ZDHHC4: variants seen among roughly 807,000 people sequenced by gnomAD.
The protein encoded by ZDHHC4 is zDHHC palmitoyltransferase 4.
ZDHHC4 carries 42 observed loss-of-function variants against 36.7 expected under a neutral mutation model. The observed-to-expected ratio is 1.14, with a 90% CI of 0.89 to 1.48. The LOEUF is 1.48. ZDHHC4 is among the 40% of genes most tolerant of loss of function. The pLI, the probability that ZDHHC4 is intolerant of heterozygous loss-of-function variation, is 0.00. For synonymous variants in ZDHHC4, 189 were observed against 166.6 expected, an observed-to-expected ratio of 1.13 and a Z score of -1.03; for missense variants, 457 against 421.5, an observed-to-expected ratio of 1.08 and a Z score of -0.74.
rs112037739 is a variant in ZDHHC4, at chr7:6,582,666, C to T, written c.370+415C>T. Reference sequence around the variant, plus strand: ...CCGAGTAGCTAGGACTACAGGCGTGCGCCACCACACCCAGCTGATTTTTGT... The same window carrying T: ...CCGAGTAGCTAGGACTACAGGCGTGTGCCACCACACCCAGCTGATTTTTGT... On this transcript the variant is annotated intron_variant, in intron 5 of 7. Transcript: ENST00000335965. 4.5e-3 allele frequency among the ~76,000 whole-genome samples: 690 copies of T among 151,982 alleles called. 4 individuals are homozygous for T. The highest frequency in any genetic ancestry group is 0.015 in the African/African-American group (628 of 41,470).
intron 7 of ZDHHC4, among the ~76,000 whole-genome samples, chr7:6,588,158 C>T (rs1171253967): frequency 6.6e-6 from 1 of 152,156 alleles, no homozygotes; most frequent in East Asian, 1.9e-4. Context: ...AGCCATTGCG[C>T]CCGGCCCCTG....
chr7:6,584,766 G>A lies in ZDHHC4; in HGVS notation c.497-250G>A, dbSNP rs1330126829. 6 of 511,690 alleles carry A rather than the reference G, an allele frequency of 1.2e-5. No individual in the cohort carries two copies. In the Admixed American group the frequency reaches 2.0e-4, roughly 17 times the overall value. The allele number at this position is 511,690 out of a possible 1,614,324, so 31.7% of individuals were successfully genotyped here. ...CTCCCGCCTAGCCTCTGAGTAGCTG[G>A]GACCATGGGTGCATGCCGCCACCAC... On this transcript the variant is annotated intron_variant, in intron 6 of 7. Transcript: ENST00000335965.
In ZDHHC4 at chr7:6,582,195, A is replaced by G; in HGVS notation, c.314A>G (p.Tyr105Cys). The G allele has an allele frequency of 1.2e-6, 2 of 1,614,032 alleles. No individual in the cohort carries two copies. The highest frequency in any genetic ancestry group is 1.3e-5 in the African/African-American group (1 of 75,018). Reference sequence around the variant, plus strand: ...TCCTTGCATTACCTTCTTCTGCCCTATCTGCTGCTAGGTGTAAACCTGTTT... The same window carrying G: ...TCCTTGCATTACCTTCTTCTGCCCTGTCTGCTGCTAGGTGTAAACCTGTTT... The part of the protein sequence containing the change: ...ELSLHYLLLP[Y>C]LLLGVNLFFF... The change falls in exon 5 of 8, where the codon TAT becomes TGT. Residue 105 changes from tyrosine to cysteine, a missense_variant. Tyr to Cys is a radical substitution (Grantham distance 194). Transcript: ENST00000335965.
chr7:6,583,175 C>G, intron 5 of ZDHHC4, 131 bp from the exon 6 acceptor site: 1 of 1,046,754 alleles, frequency 9.6e-7, no homozygotes, highest in Non-Finnish European at 1.4e-6. Context: ...GTAAGACTGT[C>G]TCAAAAAAAA....
chr7:6,582,101 G>C lies in ZDHHC4; in HGVS notation c.220G>C (p.Val74Leu). The change falls in exon 5 of 8, where the codon GTC becomes CTC. Residue 74 changes from valine to leucine, a missense_variant. Transcript: ENST00000335965. ...RNHTFIVLHL[V>L]LQGMVYTEYT... ...CCACACCTTCATTGTCCTGCACCTG[G>C]TCTTGCAAGGGATGGTTTATACTGA... 1 of 1,613,986 alleles carries C rather than the reference G, an allele frequency of 6.2e-7. No homozygotes were observed. Among genetic ancestry groups the C allele is most frequent in the Non-Finnish European group, 8.5e-7 (1 of 1,179,946 alleles).
intron 6 of ZDHHC4, 176 bp from the exon 7 acceptor site, chr7:6,584,840 G>T: frequency 1.2e-6 from 1 of 835,340 alleles, no homozygotes; most frequent in Non-Finnish European, 1.8e-6. Flanking sequence ...ACCCACATTT[G>T]GCTGGTTGCT....
chr7:6,587,904 C>T (rs551343809), intron 7 of ZDHHC4, among the ~76,000 whole-genome samples: 6 of 152,268 alleles, frequency 3.9e-5, no homozygotes, highest in African/African-American at 1.2e-4. Flanking sequence ...CTTGCTCTGT[C>T]GCCTAGGCTG....
chr7:6,584,891 C>G (rs1781123394), intron 6 of ZDHHC4, 125 bp from the exon 7 acceptor site: 1 of 1,398,810 alleles, frequency 7.1e-7, no homozygotes, highest in Non-Finnish European at 9.6e-7. Context: ...TAGTTTGGAA[C>G]TAAGCAGCTG....
chr7:6,580,816 C>T, intron 3 of ZDHHC4, 138 bp downstream of exon 3: 2 of 786,862 alleles, frequency 2.5e-6, no homozygotes, highest in Non-Finnish European at 4.1e-6. Flanking sequence ...ACTCAGGAAG[C>T]TGAGGCAGGA....
In ZDHHC4 at chr7:6,585,212, C is replaced by T. The variant is rs769948044; in HGVS notation, c.693C>T (p.Ile231=). The stretch of plus-strand genomic sequence containing the variant: ...CAGATTTATACCAGGAGACTTACAT[C>T]GATGACCTTGGACACCTCCATGTTA... ...VMSDLYQETY[I]DDLGHLHVMD... is the part of the protein sequence containing the mutation. Residue 231 remains isoleucine (I), a synonymous_variant, in exon 7 of 8, where the codon ATC becomes ATT. Transcript: ENST00000335965. 1.6e-5 allele frequency: 26 copies of T among 1,614,046 alleles called. 1 individual carries two copies. Among genetic ancestry groups the T allele is most frequent in the Admixed American group, 1.3e-4 (8 of 59,992 alleles).
At chr7:6,578,482 T>C (rs1452474006) in intron 1 of ZDHHC4, 84 bp from the exon 2 acceptor site, 1 of 152,224 alleles carries the variant, frequency 6.6e-6, no homozygotes, top group Non-Finnish European at 1.5e-5. Flanking sequence ...ATCCCCTACT[T>C]CCAAATCCTT....
In ZDHHC4 at chr7:6,589,083, T is replaced by C; in HGVS notation, c.*173T>C. 1.3e-6 allele frequency: 1 copy of C among 781,504 alleles called. No individual in the cohort carries two copies. Among genetic ancestry groups the C allele is most frequent in the Non-Finnish European group, 2.0e-6 (1 of 501,308 alleles). The allele number at this position is 781,504 out of a possible 1,614,324, so 48.4% of individuals were successfully genotyped here. A position where few individuals can be genotyped will look rare whatever the true frequency, so the allele number is the denominator to read the frequency against. On this transcript the variant is annotated 3_prime_UTR_variant, in exon 8 of 8. Coordinates refer to ENST00000335965, the MANE Select transcript of ZDHHC4 (RefSeq NM_001134389.2). The stretch of plus-strand genomic sequence containing the variant: ...ACTGAGGAATCCCCCTTGCTTGTCT[T>C]CTTTTGAAACCGGGCATCTCTGAAG...
intron 1 of ZDHHC4, chr7:6,577,716 A>G (rs1386493987): frequency 6.6e-6 from 1 of 152,250 alleles, no homozygotes; most frequent in Non-Finnish European, 1.5e-5. Context: ...AGGCCCGCCC[A>G]GGAGGTGCCT....
chr7:6,587,713 C>T lies in ZDHHC4; in HGVS notation c.742-904C>T, dbSNP rs561426371. Among the ~76,000 whole-genome samples, 12 of 152,256 alleles carry T rather than the reference C, an allele frequency of 7.9e-5. 1 individual carries two copies. The South Asian group carries it at 2.1e-3, about 26-fold the overall frequency. On this transcript the variant is annotated intron_variant, in intron 7 of 7. Coordinates refer to ENST00000335965, the MANE Select transcript of ZDHHC4 (RefSeq NM_001134389.2). ...CCATCCCAGAGTTTACCCTTCCTGA[C>T]GGATGGACATTTAACTTGTTTCTTG...
In ZDHHC4 at chr7:6,589,284, GCT is replaced by G. The variant is rs944623755; in HGVS notation, c.*379_*380del. The stretch of plus-strand genomic sequence containing the variant: ...GCGCCTGCGCGTTGTGCCTGGCTGT[GCT>G]CTCTTTTATGCCCCCTCTATTCTCC... On this transcript the variant is annotated 3_prime_UTR_variant, in exon 8 of 8. Transcript: ENST00000335965. The G allele has an allele frequency of 4.9e-5, 11 of 225,468 alleles. No homozygotes were observed. The highest frequency in any genetic ancestry group is 2.2e-4 in the African/African-American group (10 of 44,878). 14.0% of individuals were successfully genotyped at this position (225,468 alleles called of 1,614,324 possible). A position where few individuals can be genotyped will look rare whatever the true frequency, so the allele number is the denominator to read the frequency against.
At position 6,582,079 on chromosome 7, in the gene ZDHHC4, C is replaced by A. The variant is rs574200190; in HGVS notation, c.198C>A (p.His66Gln). The change falls in exon 5 of 8, where the codon CAC (histidine) becomes CAA (glutamine). Residue 66 changes from histidine (H) to glutamine (Q), a missense_variant. Physicochemically the swap from His to Gln is conservative, Grantham distance 24 (BLOSUM62 0). Transcript: ENST00000335965. ...CATGCCTGTTTTCTTTCAGAAACCA[C>A]ACCTTCATTGTCCTGCACCTGGTCT... ...LLHYLFHTRN[H>Q]TFIVLHLVLQ... The A allele has an allele frequency of 6.2e-7, 1 of 1,611,282 alleles. No homozygotes were observed. Among genetic ancestry groups the A allele is most frequent in the South Asian group, 1.1e-5 (1 of 90,884 alleles).
rs764633808 is a variant in ZDHHC4, at chr7:6,585,223, G to A, written c.704G>A (p.Gly235Glu). Reference protein sequence around the residue: ...LYQETYIDDLGHLHVMDTVFL... With the variant: ...LYQETYIDDLEHLHVMDTVFL... ...CAGGAGACTTACATCGATGACCTTGGACACCTCCATGTTATGGACACGGTC... is the reference window on the plus strand; with the variant it reads ...CAGGAGACTTACATCGATGACCTTGAACACCTCCATGTTATGGACACGGTC... Residue 235 changes from glycine to glutamate, a missense_variant, in exon 7 of 8, where the codon GGA becomes GAA. Coordinates refer to ENST00000335965, the MANE Select transcript of ZDHHC4 (RefSeq NM_001134389.2). 3.7e-6 allele frequency: 6 copies of A among 1,614,164 alleles called. No individual in the cohort carries two copies. Among genetic ancestry groups the A allele is most frequent in the Non-Finnish European group, 5.1e-6 (6 of 1,180,040 alleles).
intron 4 of ZDHHC4, 49 bp from the exon 5 acceptor site, chr7:6,582,024 T>C: frequency 6.4e-7 from 1 of 1,572,490 alleles, no homozygotes; most frequent in Non-Finnish European, 8.6e-7. Context: ...ATCATACAAT[T>C]TCTTCAAGAA....
intron 7 of ZDHHC4, 72 bp downstream of exon 7, chr7:6,585,332 C>T: frequency 1.3e-6 from 2 of 1,565,060 alleles, no homozygotes; most frequent in South Asian, 1.2e-5. Context: ...CCAGTAAAAG[C>T]ATGAAGTTAG....
Sources: gnomAD v4.1 joint callset for allele counts (sites outside exome capture counted in the v4.1 genomes callset) on GRCh38, gnomAD v4.1.1 for gene constraint, MANE v1.5 for transcripts, NCBI Gene and HGNC (gene_info 2026-07-23, HGNC 2026-07-21) for gene names.